NEGR1: variants seen among roughly 807,000 people sequenced by gnomAD.
The protein encoded by NEGR1 is neuronal growth regulator 1.
A neutral mutation model predicts 40.9 loss-of-function variants in NEGR1; 10 were observed. The observed-to-expected ratio is 0.24, with a 90% CI of 0.15 to 0.42. NEGR1 has a LOEUF of 0.42. Ranked by LOEUF, NEGR1 falls within the 10% of genes least tolerant of loss-of-function variation. The probability of loss-of-function intolerance (pLI) is 1.00; values close to 1 mark genes in which losing one functional copy is unlikely to be tolerated. For synonymous variants in NEGR1, 185 were observed against 166.8 expected (o/e 1.11, Z -0.84); for missense variants, 352 against 438.9 (o/e 0.80, Z 1.77).
chr1:71,588,964 C>A (rs1570072302), intron 6 of NEGR1, among the ~76,000 whole-genome samples: 1 of 152,106 alleles, frequency 6.6e-6, no homozygotes, highest in South Asian at 2.1e-4. Context: ...ATAACATCAG[C>A]CTTGTCTTCT....
chr1:71,969,832 C>T (rs141005787), intron 1 of NEGR1, among the ~76,000 whole-genome samples: 46 of 152,274 alleles, frequency 3.0e-4, no homozygotes, highest in African/African-American at 1.0e-3. Context: ...GACATCAAGT[C>T]ATGAATTATT....
chr1:71,736,131 G>T (rs1380483), intron 3 of NEGR1, among the ~76,000 whole-genome samples: 151,665 of 152,176 alleles, frequency 1, 75,578 homozygotes, highest in Middle Eastern at 1. Flanking sequence ...TTAGAAAAAA[G>T]AATTTTCTTA....
At chr1:71,587,736 T>C (rs1257485852) in intron 6 of NEGR1, among the ~76,000 whole-genome samples, 1 of 151,944 alleles carries the variant, frequency 6.6e-6, no homozygotes, top group East Asian at 1.9e-4. Context: ...TATACTACAG[T>C]AAAGGATTTG....
intron 2 of NEGR1, among the ~76,000 whole-genome samples, chr1:71,805,239 C>T (rs1348070298): frequency 2.6e-5 from 4 of 152,158 alleles, no homozygotes; most frequent in Non-Finnish European, 5.9e-5. Context: ...TCCTGTGGTC[C>T]TGTGATCTTG....
chr1:71,845,058 T>C (rs1393524601), intron 2 of NEGR1, among the ~76,000 whole-genome samples: 1 of 152,174 alleles, frequency 6.6e-6, no homozygotes, highest in African/African-American at 2.4e-5. Flanking sequence ...TTAGGAATAA[T>C]AGACAATGGT....
intron 1 of NEGR1, among the ~76,000 whole-genome samples, chr1:72,106,885 GA>G (rs1649155788): frequency 6.6e-6 from 1 of 151,818 alleles, no homozygotes; most frequent in Non-Finnish European, 1.5e-5. Context: ...TACAGATATA[GA>G]TATATGACAA....
At chr1:72,041,513 G>A (rs1394381803) in intron 1 of NEGR1, among the ~76,000 whole-genome samples, 1 of 149,484 alleles carries the variant, frequency 6.7e-6, no homozygotes, top group East Asian at 2.0e-4. Context: ...TGTACTCAAG[G>A]ACTTAGGACT....
At chr1:72,277,235 C>T (rs1012060378) in intron 1 of NEGR1, among the ~76,000 whole-genome samples, 6 of 152,146 alleles carry the variant, frequency 3.9e-5, no homozygotes, top group African/African-American at 1.4e-4. Flanking sequence ...GCAGACCCCC[C>T]TCCACCCCCA....
intron 3 of NEGR1, among the ~76,000 whole-genome samples, chr1:71,742,347 G>C (rs1655239093): frequency 6.6e-6 from 1 of 152,126 alleles, no homozygotes; most frequent in Admixed American, 6.6e-5. Context: ...AAAATCTATA[G>C]AGACAGGATA....
chr1:71,868,576 A>T (rs1209072542), intron 2 of NEGR1, among the ~76,000 whole-genome samples: 1 of 152,136 alleles, frequency 6.6e-6, no homozygotes, highest in Admixed American at 6.6e-5. Flanking sequence ...CAAGCTGTTC[A>T]TACAAAAAAG....
At chr1:71,425,722 A>G (rs982401952) in intron 6 of NEGR1, among the ~76,000 whole-genome samples, 1 of 152,162 alleles carries the variant, frequency 6.6e-6, no homozygotes, top group Non-Finnish European at 1.5e-5. Context: ...GCATATAATC[A>G]TGTTCATTTT....
intron 6 of NEGR1, among the ~76,000 whole-genome samples, chr1:71,466,212 T>C (rs1005677078): frequency 6.6e-6 from 1 of 152,118 alleles, no homozygotes; most frequent in South Asian, 2.1e-4. Flanking sequence ...CACTAAATGA[T>C]AGCCCTTAGT....
intron 6 of NEGR1, among the ~76,000 whole-genome samples, chr1:71,578,857 G>GA (rs1436802349): frequency 3.3e-5 from 5 of 151,990 alleles, no homozygotes; most frequent in African/African-American, 1.2e-4. Flanking sequence ...ATTTCTTTAA[G>GA]AAAAAATTGG....
chr1:72,179,562 C>T (rs1029543201), intron 1 of NEGR1, among the ~76,000 whole-genome samples: 24 of 152,128 alleles, frequency 1.6e-4, no homozygotes, highest in Middle Eastern at 3.4e-3. Context: ...TAGTTATTTG[C>T]ATTTGCACTT....
intron 4 of NEGR1, among the ~76,000 whole-genome samples, chr1:71,624,397 T>A (rs905208655): frequency 6.6e-6 from 1 of 151,992 alleles, no homozygotes. Context: ...ACAGTGGCCA[T>A]AGTGTTTCTG....
chr1:71,840,551 T>G (rs908404515), intron 2 of NEGR1, among the ~76,000 whole-genome samples: 1 of 152,136 alleles, frequency 6.6e-6, no homozygotes, highest in Non-Finnish European at 1.5e-5. Context: ...GGTTTTATAT[T>G]CTTAGCTTAA....
intron 1 of NEGR1, among the ~76,000 whole-genome samples, chr1:71,980,201 T>C (rs942261826): frequency 1.3e-5 from 2 of 152,164 alleles, no homozygotes; most frequent in African/African-American, 4.8e-5. Context: ...GGAAAGCCTG[T>C]ATTAATCTTT....
At chr1:71,697,877 C>G (rs1231410899) in intron 4 of NEGR1, 131 bp downstream of exon 4, 1 of 769,866 alleles carries the variant, frequency 1.3e-6, no homozygotes, top group African/African-American at 1.8e-5. Context: ...ATCTACACGT[C>G]TTCAGTGTTA....
At position 71,403,533 on chromosome 1, in the gene NEGR1, G is replaced by GA. The variant is rs1222108513; in HGVS notation, c.*3912dup. On this transcript the variant is annotated 3_prime_UTR_variant, in exon 7 of 7. Transcript: ENST00000357731. ...TAGTTCAGCTCATCAAACCTTTTAG[G>GA]AATCAGCAACAGCAAGAAAGAATAT... is the stretch of plus-strand genomic sequence containing the variant. 1 of 192,438 alleles carries GA rather than the reference G, an allele frequency of 5.2e-6. No homozygotes were observed. The highest frequency in any genetic ancestry group is 2.3e-5 in the African/African-American group (1 of 43,426). 11.9% of individuals were successfully genotyped at this position (192,438 alleles called of 1,614,324 possible). A position where few individuals can be genotyped will look rare whatever the true frequency, so the allele number is the denominator to read the frequency against.
Sources: allele counts gnomAD v4.1 joint callset (sites outside exome capture counted in the v4.1 genomes callset), GRCh38; gene constraint gnomAD v4.1.1; transcripts MANE v1.5; gene names NCBI Gene and HGNC (gene_info 2026-07-23, HGNC 2026-07-21).